Variants in CDK19 observed in about 807,000 individuals in gnomAD.
The protein encoded by CDK19 is cyclin dependent kinase 19.
A neutral mutation model predicts 68.3 loss-of-function variants in CDK19; 20 were observed. That is an observed-to-expected ratio of 0.29 (90% confidence interval 0.21 to 0.43). The LOEUF (loss-of-function observed/expected upper bound fraction) is 0.43. CDK19 is among the 20% of genes least tolerant of loss of function. The pLI, the probability that CDK19 is intolerant of heterozygous loss-of-function variation, is 1.00. For missense variants in CDK19, 339 were observed against 623.5 expected (o/e 0.54, Z 4.86); for synonymous variants, 221 against 222.8 (o/e 0.99, Z 0.07).
At chr6:110,799,182 A>G (rs1179917610) in intron 1 of CDK19, among the ~76,000 whole-genome samples, 3 of 150,330 alleles carry the variant, frequency 2.0e-5, no homozygotes, top group Non-Finnish European at 3.0e-5. Context: ...TCCTCATCTA[A>G]AAACAACCAA....
chr6:110,736,359 A>C (rs1302129069), intron 2 of CDK19, among the ~76,000 whole-genome samples: 2 of 152,110 alleles, frequency 1.3e-5, no homozygotes, highest in East Asian at 1.9e-4. Flanking sequence ...ATAAATAAAT[A>C]AATCTTCATC....
At chr6:110,741,807 A>C (rs965353298) in intron 2 of CDK19, among the ~76,000 whole-genome samples, 1 of 152,180 alleles carries the variant, frequency 6.6e-6, no homozygotes, top group Admixed American at 6.6e-5. Context: ...ACATCCAACA[A>C]CACTAATACT....
chr6:110,811,878 C>A (rs1010859784), intron 1 of CDK19, among the ~76,000 whole-genome samples: 3 of 145,590 alleles, frequency 2.1e-5, no homozygotes, highest in South Asian at 4.3e-4. Flanking sequence ...ACTTTTAAAC[C>A]GGATTTTTTT....
rs1778076173 is a variant in CDK19 at position 110,612,429 on chromosome 6, A to G, written c.*2106T>C. 6.5e-6 allele frequency: 1 copy of G among 152,684 alleles called. No individual in the cohort carries two copies. The highest frequency in any genetic ancestry group is 1.5e-5 in the Non-Finnish European group (1 of 68,044). 9.5% of individuals were successfully genotyped at this position (152,684 alleles called of 1,614,324 possible). A position where few individuals can be genotyped will look rare whatever the true frequency, so the allele number is the denominator to read the frequency against. ...GGATAGTAACTACCCAAGTGGGTTT[A>G]GAAGTAAACAAAAAGACCTTCATAT... On this transcript the variant is annotated 3_prime_UTR_variant, in exon 13 of 13. Coordinates refer to ENST00000368911, the MANE Select transcript of CDK19 (RefSeq NM_015076.5).
At chr6:110,758,176 G>A (rs1008325679) in intron 1 of CDK19, among the ~76,000 whole-genome samples, 2 of 152,036 alleles carry the variant, frequency 1.3e-5, no homozygotes, top group African/African-American at 4.8e-5. Flanking sequence ...GAGCTACAGA[G>A]CAAGACCCTG....
At chr6:110,672,003 G>A (rs1225845026) in intron 2 of CDK19, among the ~76,000 whole-genome samples, 1 of 152,004 alleles carries the variant, frequency 6.6e-6, no homozygotes, top group African/African-American at 2.4e-5. Flanking sequence ...GTCTCAAACT[G>A]CTGACCTCAA....
chr6:110,610,153 G>A lies in CDK19; in HGVS notation c.*4382C>T, dbSNP rs538740188. 1.9e-4 allele frequency: 29 copies of A among 152,308 alleles called. No individual in the cohort carries two copies. The highest frequency in any genetic ancestry group is 6.5e-4 in the African/African-American group (27 of 41,554). 9.4% of individuals were successfully genotyped at this position (152,308 alleles called of 1,614,324 possible). A position where few individuals can be genotyped will look rare whatever the true frequency, so the allele number is the denominator to read the frequency against. On this transcript the variant is annotated 3_prime_UTR_variant, in exon 13 of 13. Transcript: ENST00000368911. The stretch of plus-strand genomic sequence containing the variant: ...GGAGCAGGCCTCGCTGGGGTGCAGC[G>A]GCTCTGAGCACAAACCTCGCAGTGG...
rs1342823495 is a variant in CDK19 at position 110,792,442 on chromosome 6, G to A, written c.128+22567C>T. ...TCTGTCACCCAGGCTGGAGTGCAGTGGCACAATCTCGGCTCACTGCAGTGG... is the reference window on the plus strand; with the variant it reads ...TCTGTCACCCAGGCTGGAGTGCAGTAGCACAATCTCGGCTCACTGCAGTGG... On this transcript the variant is annotated intron_variant, in intron 1 of 12. Transcript: ENST00000368911. Among the ~76,000 whole-genome samples, 4 of 108,534 alleles carry A rather than the reference G, an allele frequency of 3.7e-5. No individual in the cohort carries two copies. In the East Asian group the frequency reaches 1.7e-3, roughly 46 times the overall value. The allele number at this position is 108,534 out of a possible 152,430, so 71.2% of individuals were successfully genotyped here.
chr6:110,756,553 TAA>T (rs757035955), intron 1 of CDK19, among the ~76,000 whole-genome samples: 5 of 141,222 alleles, frequency 3.5e-5, no homozygotes, highest in African/African-American at 2.6e-5. Context: ...GACCCTGTCT[TAA>T]AAAAAAAAAA....
chr6:110,687,685 T>C (rs968618604), intron 2 of CDK19, among the ~76,000 whole-genome samples: 1 of 152,240 alleles, frequency 6.6e-6, no homozygotes, highest in African/African-American at 2.4e-5. Flanking sequence ...ATCCTAAAAA[T>C]GGTATTTCCA....
intron 2 of CDK19, among the ~76,000 whole-genome samples, chr6:110,736,494 A>T: frequency 6.6e-6 from 1 of 152,192 alleles, no homozygotes; most frequent in African/African-American, 2.4e-5. Context: ...TCTTTCCCAC[A>T]TTACGATCTG....
chr6:110,759,048 G>C (rs563993932), intron 1 of CDK19, among the ~76,000 whole-genome samples: 2 of 151,924 alleles, frequency 1.3e-5, no homozygotes, highest in East Asian at 3.9e-4. Context: ...GATCACTTGA[G>C]CCCAGGAGTT....
At chr6:110,731,219 A>G (rs1273679006) in intron 2 of CDK19, among the ~76,000 whole-genome samples, 1 of 152,202 alleles carries the variant, frequency 6.6e-6, no homozygotes, top group African/African-American at 2.4e-5. Flanking sequence ...GCATTTTAGC[A>G]TTTTAACAAG....
intron 5 of CDK19, among the ~76,000 whole-genome samples, chr6:110,635,146 G>C (rs933927662): frequency 6.6e-6 from 1 of 152,124 alleles, no homozygotes; most frequent in Admixed American, 6.5e-5. Context: ...CAAATGAAAA[G>C]CAGCAACAAA....
At chr6:110,742,557 CG>C (rs1777760714) in intron 2 of CDK19, among the ~76,000 whole-genome samples, 1 of 152,132 alleles carries the variant, frequency 6.6e-6, no homozygotes, top group Admixed American at 6.6e-5. Context: ...AGCCTATAAA[CG>C]GACGTGCAAG....
intron 2 of CDK19, among the ~76,000 whole-genome samples, chr6:110,726,075 C>A (rs1422400678): frequency 1.3e-5 from 2 of 151,484 alleles, no homozygotes; most frequent in Non-Finnish European, 2.9e-5. Flanking sequence ...TTTTAAAACA[C>A]CAGTAGCTTC....
intron 1 of CDK19, among the ~76,000 whole-genome samples, chr6:110,798,630 A>G (rs1380334224): frequency 1.2e-4 from 17 of 144,598 alleles, no homozygotes; most frequent in Non-Finnish European, 2.1e-4. Flanking sequence ...TGTCTCCAGA[A>G]AAAAAAAAAA....
At chr6:110,776,927 A>G (rs1780438914) in intron 1 of CDK19, among the ~76,000 whole-genome samples, 1 of 152,228 alleles carries the variant, frequency 6.6e-6, no homozygotes. Flanking sequence ...GTACTATTAT[A>G]CTTTAAAGAT....
At chr6:110,720,159 T>C (rs572607074) in intron 2 of CDK19, among the ~76,000 whole-genome samples, 45 of 152,086 alleles carry the variant, frequency 3.0e-4, no homozygotes, top group Non-Finnish European at 2.9e-4. Context: ...CTTTGATACT[T>C]GTTCTTTACA....
Sources: allele counts gnomAD v4.1 joint callset (sites outside exome capture counted in the v4.1 genomes callset), GRCh38; gene constraint gnomAD v4.1.1; transcripts MANE v1.5; gene names NCBI Gene and HGNC (gene_info 2026-07-23, HGNC 2026-07-21).